Variants in EXOC5 observed in about 807,000 individuals in gnomAD.
EXOC5 encodes exocyst complex component 5.
In EXOC5, 17 loss-of-function variants were observed where a neutral mutation model predicts 90.8. That is an observed-to-expected ratio of 0.19 (90% CI 0.13 to 0.28). EXOC5 has a LOEUF of 0.28. EXOC5 is among the 10% of genes least tolerant of loss of function. The probability of loss-of-function intolerance (pLI) is 1.00; values close to 1 mark genes in which losing one functional copy is unlikely to be tolerated. For missense variants in EXOC5, 569 were observed against 830.6 expected, an observed-to-expected ratio of 0.69 and a Z score of 3.87; for synonymous variants, 260 against 270.0, an observed-to-expected ratio of 0.96 and a Z score of 0.36.
intron 13 of EXOC5, among the ~76,000 whole-genome samples, chr14:57,221,608 G>A (rs1365033235): frequency 6.6e-6 from 1 of 152,156 alleles, no homozygotes; most frequent in Non-Finnish European, 1.5e-5. Context: ...TATCAGGATT[G>A]ATTTCTGAAA....
At chr14:57,225,043 C>T (rs1323591635) in intron 12 of EXOC5, among the ~76,000 whole-genome samples, 1 of 151,820 alleles carries the variant, frequency 6.6e-6, no homozygotes, top group Non-Finnish European at 1.5e-5. Context: ...GCCTGGGCGT[C>T]AGAGTGAGAC....
chr14:57,247,666 G>A lies in EXOC5; in HGVS notation c.74C>T (p.Thr25Ile). The A allele has an allele frequency of 6.4e-7, 1 of 1,572,948 alleles. No individual in the cohort carries two copies. Among genetic ancestry groups the A allele is most frequent in the South Asian group, 1.2e-5 (1 of 85,340 alleles). ...DEYIERLVWR[T>I]PGGGSRGGPE... ...TCCACCTCTAGAGCCTCCTCCTGGG[G>A]TTCTCCATACAAGACGTTCAATATA... The change falls in exon 2 of 18, where the codon ACC becomes ATC. Residue 25 changes from threonine to isoleucine, a missense_variant. Physicochemically the swap from Thr to Ile is moderately conservative, Grantham distance 89. Around this residue, in one of 9 missense-constraint regions of EXOC5, gnomAD observed 10 missense variants for 32.7 expected, o/e 0.31. Transcript: ENST00000621441.
chr14:57,235,208 C>A (rs1883621187), intron 7 of EXOC5, among the ~76,000 whole-genome samples: 1 of 152,070 alleles, frequency 6.6e-6, no homozygotes, highest in African/African-American at 2.4e-5. Flanking sequence ...ACTTTCTTTG[C>A]AGAAATATAC....
At chr14:57,217,925 TATA>T in intron 15 of EXOC5, 54 bp downstream of exon 15, 2 of 826,154 alleles carry the variant, frequency 2.4e-6, no homozygotes, top group South Asian at 2.9e-5. Context: ...TTCATGCTGC[TATA>T]ATATGGTGTT....
intron 15 of EXOC5, among the ~76,000 whole-genome samples, chr14:57,215,061 C>G (rs1882933244): frequency 6.6e-6 from 1 of 151,964 alleles, no homozygotes; most frequent in Non-Finnish European, 1.5e-5. Context: ...AAAACCATGT[C>G]TCTACTAAAA....
Position 57,268,769 on chromosome 14 carries a change from G to GGCTCCCCA in EXOC5, c.-129_-122dup, listed in dbSNP as rs1378362030. ...CCAGCTCCGGCTCCGGGCCGCTGCG[G>GGCTCCCCA]GCTCCCCAGCTCCCCACAGATCCCA... On this transcript the variant is annotated 5_prime_UTR_variant, in exon 1 of 18. It removes the in-frame stop codon of an upstream open reading frame in the 5' UTR. Transcript: ENST00000621441. 3 of 1,458,652 alleles carry GGCTCCCCA rather than the reference G, an allele frequency of 2.1e-6. No individual in the cohort carries two copies. The highest frequency in any genetic ancestry group is 2.9e-5 in the African/African-American group (2 of 68,740). The allele number at this position is 1,458,652 out of a possible 1,614,324, so 90.4% of individuals were successfully genotyped here. A position where few individuals can be genotyped will look rare whatever the true frequency, so the allele number is the denominator to read the frequency against.
chr14:57,229,603 C>A, intron 12 of EXOC5, 131 bp downstream of exon 12: 1 of 448,280 alleles, frequency 2.2e-6, no homozygotes, highest in South Asian at 9.3e-5. Flanking sequence ...AGAATATATG[C>A]AAATACTACA....
chr14:57,209,436 G>A, intron 17 of EXOC5, 131 bp downstream of exon 17: 2 of 480,504 alleles, frequency 4.2e-6, no homozygotes, highest in South Asian at 5.1e-5. Context: ...GGTAGAATGT[G>A]ATAATCTATC....
intron 5 of EXOC5, 104 bp from the exon 6 acceptor site, chr14:57,237,470 A>G: frequency 1.5e-6 from 1 of 676,354 alleles, no homozygotes; most frequent in East Asian, 2.8e-5. Flanking sequence ...AGATACGAGA[A>G]CCATCTGTAC....
intron 1 of EXOC5, 182 bp downstream of exon 1, chr14:57,268,439 AC>A: frequency 7.0e-7 from 1 of 1,419,392 alleles, no homozygotes; most frequent in Non-Finnish European, 9.3e-7. Context: ...GGCCCCAAGC[AC>A]CCCTCCCCCA....
intron 12 of EXOC5, among the ~76,000 whole-genome samples, chr14:57,225,925 T>C (rs1459416093): frequency 6.6e-6 from 1 of 152,178 alleles, no homozygotes; most frequent in African/African-American, 2.4e-5. Context: ...TCGTATTCTT[T>C]TGAGTCTTTG....
chr14:57,255,813 C>CT (rs941281196), intron 1 of EXOC5, among the ~76,000 whole-genome samples: 2 of 147,494 alleles, frequency 1.4e-5, no homozygotes, highest in African/African-American at 5.1e-5. Flanking sequence ...GCCTGGGCGA[C>CT]TGAGCAAGAC....
chr14:57,234,611 G>C (rs1422709026), intron 7 of EXOC5, among the ~76,000 whole-genome samples: 1 of 148,428 alleles, frequency 6.7e-6, no homozygotes, highest in Non-Finnish European at 1.5e-5. Context: ...TGTCACCCAG[G>C]CTGGAATGCA....
At chr14:57,253,719 A>G (rs936297086) in intron 1 of EXOC5, among the ~76,000 whole-genome samples, 5 of 151,634 alleles carry the variant, frequency 3.3e-5, no homozygotes, top group Non-Finnish European at 7.4e-5. Flanking sequence ...ATATTTGGTC[A>G]AACAATTTTT....
chr14:57,235,429 A>C (rs1883627046), intron 7 of EXOC5, among the ~76,000 whole-genome samples: 1 of 152,100 alleles, frequency 6.6e-6, no homozygotes. Context: ...AAAAAGGCAG[A>C]CAATATGATT....
chr14:57,209,544 T>C (rs748993784), intron 17 of EXOC5, 23 bp downstream of exon 17: 4 of 1,433,746 alleles, frequency 2.8e-6, no homozygotes, highest in South Asian at 1.2e-5. Flanking sequence ...ATTTGCAAGT[T>C]TGATGTTTTT....
intron 4 of EXOC5, chr14:57,243,963 C>T (rs539467906): frequency 2.4e-6 from 1 of 422,980 alleles, no homozygotes; most frequent in Non-Finnish European, 4.2e-6. Flanking sequence ...TGCCAGGAAA[C>T]CCAATTAAAC....
intron 14 of EXOC5, 34 bp from the exon 15 acceptor site, chr14:57,218,102 T>G: frequency 9.4e-7 from 1 of 1,059,258 alleles, no homozygotes. Context: ...AAGAATCATA[T>G]TAATAGTCTA....
chr14:57,222,440 A>C, intron 12 of EXOC5, 24 bp from the exon 13 acceptor site: 3 of 1,326,274 alleles, frequency 2.3e-6, no homozygotes, highest in Non-Finnish European at 3.2e-6. Context: ...ATCAAACAAT[A>C]TCACTCCTCA....
Sources: gnomAD v4.1 joint callset for allele counts (sites outside exome capture counted in the v4.1 genomes callset) on GRCh38, gnomAD v4.1.1 for gene constraint, gnomAD v4.1.1 regional missense constraint, MANE v1.5 for transcripts, NCBI Gene and HGNC (gene_info 2026-07-23, HGNC 2026-07-21) for gene names.